The following ZC3H12B variants were observed in gnomAD, a reference collection of about 807,000 sequenced individuals.
The protein encoded by ZC3H12B is zinc finger CCCH-type containing 12B.
In ZC3H12B, 7 loss-of-function variants were observed where a neutral mutation model predicts 43.9. The ratio of observed to expected loss-of-function variants is 0.16; its 90% CI spans 0.09 to 0.30. The LOEUF is 0.30. Among genes scored for constraint, ZC3H12B ranks in the 10% least tolerant of loss-of-function variants. The probability of loss-of-function intolerance (pLI) is 1.00; values close to 1 mark genes in which losing one functional copy is unlikely to be tolerated. For synonymous variants in ZC3H12B, 222 were observed against 241.7 expected (o/e 0.92, Z 0.76); for missense variants, 475 against 670.2 (o/e 0.71, Z 3.22).
At chrX:65,054,042 C>G in the ZC3H12B span, among the ~76,000 whole-genome samples, 2 of 112,342 alleles carry the variant, frequency 1.8e-5, no homozygotes, top group African/African-American at 6.5e-5. Context: ...CAAAAATTTT[C>G]TCCCATTCTG....
In ZC3H12B at chrX:65,451,357, A is replaced by G. The variant is rs749516512; in HGVS notation, n.408-37289A>G. 6.3e-5 allele frequency among the ~76,000 whole-genome samples: 7 copies of G among 111,311 alleles called. No homozygotes were observed. The South Asian group carries it at 2.6e-3, about 42-fold the overall frequency. The stretch of plus-strand genomic sequence containing the variant: ...GTGTGTGTTCTCAAGTAGTGTATGG[A>G]ACTTCTTTTAAGTGATTGCTTTGAA... On this transcript the variant is annotated intron_variant and non_coding_transcript_variant, in intron 3 of 5. Coordinates refer to the ZC3H12B transcript ENST00000617377.
chrX:65,324,888 A>C, the ZC3H12B span, among the ~76,000 whole-genome samples: 1 of 110,409 alleles, frequency 9.1e-6, no homozygotes, highest in Non-Finnish European at 1.9e-5. Flanking sequence ...TATAGAAAGT[A>C]GGGTATTTAA....
chrX:65,168,699 T>A, the ZC3H12B span, among the ~76,000 whole-genome samples: 1 of 111,580 alleles, frequency 9.0e-6, no homozygotes, highest in Non-Finnish European at 1.9e-5. Context: ...AGGCTATTAA[T>A]TATTGCCTCA....
chrX:65,204,249 T>C, the ZC3H12B span, among the ~76,000 whole-genome samples: 1 of 112,276 alleles, frequency 8.9e-6, no homozygotes, highest in East Asian at 2.8e-4. Context: ...TCTATGTGGA[T>C]ACTTGTTCAA....
chrX:65,161,812 T>C, the ZC3H12B span, among the ~76,000 whole-genome samples: 11 of 111,772 alleles, frequency 9.8e-5, no homozygotes, highest in Non-Finnish European at 1.7e-4. Flanking sequence ...ATTATGGTGT[T>C]AGTTAGCTGG....
chrX:65,434,000 A>G (rs775374329), intron 3 of ZC3H12B, among the ~76,000 whole-genome samples: 1 of 111,898 alleles, frequency 8.9e-6, no homozygotes, highest in South Asian at 3.8e-4. Context: ...CAGTAATACC[A>G]TGATCGATGC....
the ZC3H12B span, among the ~76,000 whole-genome samples, chrX:65,305,382 G>A: frequency 8.9e-6 from 1 of 111,796 alleles, no homozygotes; most frequent in African/African-American, 3.2e-5. Flanking sequence ...GGTAGCATAG[G>A]CAGTTGAAAC....
intron 3 of ZC3H12B, among the ~76,000 whole-genome samples, chrX:65,474,692 C>A (rs1311330488): frequency 9.0e-6 from 1 of 111,150 alleles, no homozygotes; most frequent in Non-Finnish European, 1.9e-5. Flanking sequence ...CTCACTGCAG[C>A]CACTGCTTCC....
chrX:65,316,281 A>G, the ZC3H12B span, among the ~76,000 whole-genome samples: 32 of 112,096 alleles, frequency 2.9e-4, no homozygotes, highest in East Asian at 7.3e-3. Flanking sequence ...AACTTTCCCA[A>G]TCTCACTAAA....
the ZC3H12B span, among the ~76,000 whole-genome samples, chrX:65,302,368 T>C: frequency 9.0e-6 from 1 of 111,344 alleles, no homozygotes; most frequent in Non-Finnish European, 1.9e-5. Context: ...TTCCTACATC[T>C]CATGAATAAG....
chrX:65,332,725 A>G, the ZC3H12B span, among the ~76,000 whole-genome samples: 1 of 112,138 alleles, frequency 8.9e-6, no homozygotes, highest in Admixed American at 9.5e-5. Context: ...TGATGAGATT[A>G]GAATCTAATA....
chrX:65,485,480 T>C (rs2068113478), upstream of ZC3H12B, among the ~76,000 whole-genome samples: 1 of 112,435 alleles, frequency 8.9e-6, no homozygotes, highest in Admixed American at 9.4e-5. Context: ...TGGTCTCAAA[T>C]CCTGGGCTCA....
chrX:65,037,265 G>T, the ZC3H12B span, among the ~76,000 whole-genome samples: 1 of 111,613 alleles, frequency 9.0e-6, no homozygotes, highest in South Asian at 3.7e-4. Context: ...CTGTAGGCTG[G>T]ATTTTTCTGA....
chrX:65,479,731 T>TCTTGAACAAA (rs1326314477), intron 3 of ZC3H12B, among the ~76,000 whole-genome samples: 2 of 112,104 alleles, frequency 1.8e-5, no homozygotes, highest in African/African-American at 6.5e-5. Context: ...CAGTGGAGGG[T>TCTTGAACAAA]GTCCAGGTTC....
the ZC3H12B span, among the ~76,000 whole-genome samples, chrX:65,043,826 A>G: frequency 8.9e-6 from 1 of 112,362 alleles, no homozygotes; most frequent in South Asian, 3.6e-4. Flanking sequence ...ATTATATAAT[A>G]TAAAGTTGCT....
the ZC3H12B span, among the ~76,000 whole-genome samples, chrX:65,345,691 A>T: frequency 8.9e-6 from 1 of 111,748 alleles, no homozygotes; most frequent in South Asian, 3.7e-4. Context: ...TCTGACCTTA[A>T]AATAAAAAAT....
chrX:65,245,148 A>G, the ZC3H12B span, among the ~76,000 whole-genome samples: 1 of 111,904 alleles, frequency 8.9e-6, no homozygotes, highest in African/African-American at 3.2e-5. Context: ...TCTAGAAGAA[A>G]TGGATAAATT....
the ZC3H12B span, among the ~76,000 whole-genome samples, chrX:65,109,259 G>A: frequency 3.6e-5 from 4 of 111,360 alleles, no homozygotes; most frequent in South Asian, 1.5e-3. Flanking sequence ...ATGGCTTTTA[G>A]TATTTTCAAA....
chrX:65,180,519 C>G, the ZC3H12B span, among the ~76,000 whole-genome samples: 1 of 111,443 alleles, frequency 9.0e-6, no homozygotes. Context: ...AAAACCCCAT[C>G]ATCTCAGCCG....
Sources: allele counts gnomAD v4.1 joint callset (sites outside exome capture counted in the v4.1 genomes callset), GRCh38; gene constraint gnomAD v4.1.1; transcripts MANE v1.5; gene names NCBI Gene and HGNC (gene_info 2026-07-23, HGNC 2026-07-21).